The following ACTR5 variants were observed in gnomAD, a reference collection of about 807,000 sequenced individuals.
ACTR5 encodes the protein actin related protein 5, also known as actin-related protein 5.
ACTR5 carries 43 observed loss-of-function variants against 61.2 expected under a neutral mutation model. The ratio of observed to expected loss-of-function variants is 0.70; its 90% CI spans 0.55 to 0.91. ACTR5 has a LOEUF of 0.91. Ranked by LOEUF, ACTR5 falls within the 40% of genes least tolerant of loss-of-function variation. The pLI, the probability that ACTR5 is intolerant of heterozygous loss-of-function variation, is 0.00. For missense variants in ACTR5, 798 were observed against 782.2 expected, an observed-to-expected ratio of 1.02 and a Z score of -0.24; for synonymous variants, 333 against 310.5, an observed-to-expected ratio of 1.07 and a Z score of -0.76.
Position 38,765,451 on chromosome 20 carries a change from T to A in ACTR5, c.1226T>A (p.Met409Lys), listed in dbSNP as rs373486054. 2 of 1,614,022 alleles carry A rather than the reference T, an allele frequency of 1.2e-6. No homozygotes were observed. The highest frequency in any genetic ancestry group is 8.5e-7 in the Non-Finnish European group (1 of 1,180,030). Reference protein sequence around the residue: ...LEPSLEDVESMNDFDPLFSEE... With the variant: ...LEPSLEDVESKNDFDPLFSEE... ...CCGTCTTTGGAAGATGTGGAAAGCA[T>A]GAATGATTTTGATCCCTTGTTTTCA... The change falls in exon 6 of 9, where the codon ATG becomes AAG. Residue 409 changes from methionine (M) to lysine (K), a missense_variant. Met to Lys is a moderately conservative substitution (Grantham distance 95). Coordinates refer to ENST00000243903, the MANE Select transcript of ACTR5 (RefSeq NM_024855.4).
rs2084486344 is a variant in ACTR5, at chr20:38,766,337, C to G, written c.1393C>G (p.Gln465Glu). The change falls in exon 7 of 9, where the codon CAG becomes GAG. Residue 465 changes from glutamine to glutamate, a missense_variant. Physicochemically the swap from Gln to Glu is conservative, Grantham distance 29 (BLOSUM62 2). Transcript: ENST00000243903. The stretch of plus-strand genomic sequence containing the variant: ...CCAGCCATCTCTCATAGGAGAAGAA[C>G]AGGCTGGGATTGCAGAGACTCTTCA... ...IFQPSLIGEE[Q>E]AGIAETLQYI... is the part of the protein sequence containing the mutation. The G allele has an allele frequency of 6.2e-7, 1 of 1,613,690 alleles. No homozygotes were observed. Among genetic ancestry groups the G allele is most frequent in the South Asian group, 1.1e-5 (1 of 90,974 alleles).
chr20:38,770,387 T>C (rs556047028), intron 8 of ACTR5, among the ~76,000 whole-genome samples: 1 of 152,336 alleles, frequency 6.6e-6, no homozygotes. Flanking sequence ...AAGAAAACTG[T>C]AGTTTCAGCC....
chr20:38,764,296 A>G (rs1439240892), intron 5 of ACTR5, among the ~76,000 whole-genome samples: 3 of 152,228 alleles, frequency 2.0e-5, no homozygotes, highest in African/African-American at 7.2e-5. Flanking sequence ...CCAAGACACT[A>G]CCTCATAAGA....
rs749341643 is a variant in ACTR5 at position 38,765,475 on chromosome 20, C to G, written c.1250C>G (p.Ser417Ter). 5.0e-6 allele frequency: 8 copies of G among 1,614,044 alleles called. No individual in the cohort carries two copies. The highest frequency in any genetic ancestry group is 4.5e-5 in the East Asian group (2 of 44,896). The stretch of plus-strand genomic sequence containing the variant: ...ATGAATGATTTTGATCCCTTGTTTT[C>G]AGAGGAAACACCTGGAGTGGAGAAG... ...ESMNDFDPLF[S>*]EETPGVEKPV... is the part of the protein sequence containing the mutation. The change falls in exon 6 of 9, where the codon TCA becomes TGA. Residue 417 changes from serine (S) to a stop codon, truncating the protein, a stop_gained. Coordinates refer to ENST00000243903, the MANE Select transcript of ACTR5 (RefSeq NM_024855.4). LOFTEE classifies it high-confidence loss of function.
chr20:38,766,738 T>C lies in ACTR5; in HGVS notation c.1433+361T>C, dbSNP rs2084489226. 3.3e-5 allele frequency among the ~76,000 whole-genome samples: 5 copies of C among 152,338 alleles called. No individual in the cohort carries two copies. The South Asian group carries it at 1.0e-3, about 32-fold the overall frequency. ...TATTGCAGAGCTAATAAAATTTTTTTCCCCTCCTTGCAGGCATTTTACTTA... is the reference window on the plus strand; with the variant it reads ...TATTGCAGAGCTAATAAAATTTTTTCCCCCTCCTTGCAGGCATTTTACTTA... On this transcript the variant is annotated intron_variant, in intron 7 of 8. Coordinates refer to ENST00000243903, the MANE Select transcript of ACTR5 (RefSeq NM_024855.4).
At chr20:38,766,548 C>T (rs2084488024) in intron 7 of ACTR5, among the ~76,000 whole-genome samples, 171 bp downstream of exon 7, 1 of 152,168 alleles carries the variant, frequency 6.6e-6, no homozygotes, top group Admixed American at 6.5e-5. Context: ...CCAGGCCTGG[C>T]ACGTAACTGG....
At chr20:38,751,991 C>A in intron 2 of ACTR5, 140 bp from the exon 3 acceptor site, 1 of 941,212 alleles carries the variant, frequency 1.1e-6, no homozygotes, top group Non-Finnish European at 1.6e-6. Context: ...CTTCAACGTC[C>A]CTTCTGACTA....
chr20:38,766,196 C>T, intron 6 of ACTR5, 42 bp from the exon 7 acceptor site: 1 of 1,577,076 alleles, frequency 6.3e-7, no homozygotes, highest in Non-Finnish European at 8.6e-7. Flanking sequence ...GAATGTTTGT[C>T]ATTTGGCCTA....
Position 38,755,103 on chromosome 20 carries a change from C to CTCAATGCT in ACTR5, c.929_930insTTCAATGC (p.Arg311SerfsTer27). On this transcript the variant is annotated frameshift_variant, in exon 4 of 9. Coordinates refer to ENST00000243903, the MANE Select transcript of ACTR5 (RefSeq NM_024855.4). LOFTEE classifies it high-confidence loss of function. ...GCAGCAATTGCGGCGGCTGCAGGAG[C>CTCAATGCT]TCAATGCCCGGCGGCGGGAGGAGAA... 6.2e-7 allele frequency: 1 copy of CTCAATGCT among 1,614,174 alleles called. No individual in the cohort carries two copies. Among genetic ancestry groups the CTCAATGCT allele is most frequent in the Non-Finnish European group, 8.5e-7 (1 of 1,180,006 alleles).
In ACTR5 at chr20:38,771,702, T is replaced by C. The variant is rs2145680495; in HGVS notation, c.1710T>C (p.Ala570=). The C allele has an allele frequency of 1.2e-6, 2 of 1,614,216 alleles. No individual in the cohort carries two copies. The highest frequency in any genetic ancestry group is 1.7e-6 in the Non-Finnish European group (2 of 1,180,038). The change falls in exon 9 of 9, where the codon GCT becomes GCC. Residue 570 remains alanine (A), a synonymous_variant. Coordinates refer to ENST00000243903, the MANE Select transcript of ACTR5 (RefSeq NM_024855.4). The part of the protein sequence containing the change: ...KGGEYLKEHC[A]SNIYVPIRLP... ...GAGAGTACCTCAAGGAGCACTGTGC[T>C]TCCAACATCTATGTCCCCATCCGCC...
Position 38,766,316 on chromosome 20 carries a change from C to T in ACTR5, c.1372C>T (p.Pro458Ser). The change falls in exon 7 of 9, where the codon CCA becomes TCA. Residue 458 changes from proline (P) to serine (S), a missense_variant. Transcript: ENST00000243903. ...TCGAGCTCCAGAGATTATTTTCCAG[C>T]CATCTCTCATAGGAGAAGAACAGGC... is the stretch of plus-strand genomic sequence containing the variant. ...RIRAPEIIFQ[P>S]SLIGEEQAGI... 1.9e-6 allele frequency: 3 copies of T among 1,614,100 alleles called. No homozygotes were observed. The highest frequency in any genetic ancestry group is 2.2e-5 in the South Asian group (2 of 91,052).
chr20:38,748,946 C>A, intron 1 of ACTR5, 93 bp downstream of exon 1: 4 of 1,435,896 alleles, frequency 2.8e-6, no homozygotes, highest in Non-Finnish European at 3.7e-6. Context: ...GTAACAGTCA[C>A]TTCAGTAGCT....
In ACTR5 at chr20:38,772,419, C is replaced by T. The variant is rs1226998220; in HGVS notation, c.*603C>T. ...ATCGCACCTGTGAATAACCACTGCA[C>T]TCCAGCCTGGGCAACATAGGAAGAC... On this transcript the variant is annotated 3_prime_UTR_variant, in exon 9 of 9. Transcript: ENST00000243903. 1 of 153,514 alleles carries T rather than the reference C, an allele frequency of 6.5e-6. No individual in the cohort carries two copies. The highest frequency in any genetic ancestry group is 1.9e-4 in the East Asian group (1 of 5,234). 9.5% of individuals were successfully genotyped at this position (153,514 alleles called of 1,614,324 possible). A position where few individuals can be genotyped will look rare whatever the true frequency, so the allele number is the denominator to read the frequency against.
intron 2 of ACTR5, among the ~76,000 whole-genome samples, chr20:38,751,648 G>A (rs1406094213): frequency 2.0e-5 from 3 of 152,124 alleles, no homozygotes; most frequent in Non-Finnish European, 2.9e-5. Context: ...TTCTTTTACA[G>A]TAAGTCAGGA....
Position 38,754,451 on chromosome 20 carries a change from G to T in ACTR5, c.776-506G>T, listed in dbSNP as rs758146381. Among the ~76,000 whole-genome samples, 49 of 152,212 alleles carry T rather than the reference G, an allele frequency of 3.2e-4. 1 individual carries two copies. The Middle Eastern group carries it at 0.014, about 42-fold the overall frequency. ...ACAATGGAGTCGGCCGGGCATGGGG[G>T]CTCATAGCTGTAATACCAGCACTTT... On this transcript the variant is annotated intron_variant, in intron 3 of 8. Coordinates refer to ENST00000243903, the MANE Select transcript of ACTR5 (RefSeq NM_024855.4).
chr20:38,761,076 C>T (rs772093591), intron 5 of ACTR5, among the ~76,000 whole-genome samples: 5 of 152,020 alleles, frequency 3.3e-5, no homozygotes, highest in Admixed American at 6.6e-5. Flanking sequence ...CCACCATGCC[C>T]GGCTAACTTT....
chr20:38,752,266 T>G lies in ACTR5; in HGVS notation c.741T>G (p.His247Gln). The change falls in exon 3 of 9, where the codon CAT becomes CAG. Residue 247 changes from histidine (H) to glutamine (Q), a missense_variant. Physicochemically the swap from His to Gln is conservative, Grantham distance 24. Coordinates refer to ENST00000243903, the MANE Select transcript of ACTR5 (RefSeq NM_024855.4). ...TCAGCCGCATGGAGGAGATTCTGCA[T>G]GAGCACAGCTACATCGCTGAGGATT... ...ITLSRMEEIL[H>Q]EHSYIAEDYV... The G allele has an allele frequency of 6.2e-7, 1 of 1,613,598 alleles. No individual in the cohort carries two copies. Among genetic ancestry groups the G allele is most frequent in the East Asian group, 2.2e-5 (1 of 44,878 alleles).
At chr20:38,763,903 A>G (rs1372109628) in intron 5 of ACTR5, among the ~76,000 whole-genome samples, 17 of 152,154 alleles carry the variant, frequency 1.1e-4, no homozygotes, top group Admixed American at 1.1e-3. Context: ...CCTGTGCACA[A>G]GTCTCACATG....
rs375754142 is a variant in ACTR5 at position 38,748,875 on chromosome 20, G to A, written c.375+22G>A. ...ACAGGTGAAGGGCGGAGTAGGCTGGGCTGGGCTGGGTTTGAGGGGAGGGGT... is the reference window on the plus strand; with the variant it reads ...ACAGGTGAAGGGCGGAGTAGGCTGGACTGGGCTGGGTTTGAGGGGAGGGGT... On this transcript the variant is annotated intron_variant, in intron 1 of 8. Coordinates refer to ENST00000243903, the MANE Select transcript of ACTR5 (RefSeq NM_024855.4). The A allele has an allele frequency of 2.5e-6, 4 of 1,590,728 alleles. No individual in the cohort carries two copies. The Admixed American group carries it at 6.9e-5, about 27-fold the overall frequency.
Sources: allele counts gnomAD v4.1 joint callset (sites outside exome capture counted in the v4.1 genomes callset), GRCh38; gene constraint gnomAD v4.1.1; transcripts MANE v1.5; gene names NCBI Gene and HGNC (gene_info 2026-07-23, HGNC 2026-07-21).